Variants in LSM14A observed in about 807,000 individuals in gnomAD.
LSM14A encodes the protein LSM14A mRNA processing body assembly factor, also known as protein LSM14 homolog A.
Under a neutral mutation model 52.4 loss-of-function variants are expected in LSM14A, and 14 were observed. The ratio of observed to expected loss-of-function variants is 0.27; its 90% confidence interval spans 0.18 to 0.42. The LOEUF is 0.42. Ranked by LOEUF, LSM14A falls within the 10% of genes least tolerant of loss-of-function variation. The pLI is 1.00. For missense variants in LSM14A, 417 were observed against 581.8 expected, an observed-to-expected ratio of 0.72 and a Z score of 2.91; for synonymous variants, 185 against 200.3, an observed-to-expected ratio of 0.92 and a Z score of 0.64.
chr19:34,181,312 T>C (rs1235438712), intron 1 of LSM14A, among the ~76,000 whole-genome samples: 1 of 152,146 alleles, frequency 6.6e-6, no homozygotes, highest in Non-Finnish European at 1.5e-5. Context: ...TTGAACTGAA[T>C]TTCCTCTTTT....
At chr19:34,217,618 T>C (rs12974084) in intron 6 of LSM14A, among the ~76,000 whole-genome samples, 21 of 8,932 alleles carry the variant, frequency 2.4e-3, no homozygotes, top group African/African-American at 7.9e-3. Context: ...CCCCCCCCCG[T>C]GTTTTTTTTT....
intron 4 of LSM14A, among the ~76,000 whole-genome samples, chr19:34,213,108 G>A (rs964963186): frequency 9.3e-5 from 14 of 151,030 alleles, no homozygotes; most frequent in East Asian, 1.9e-4. Context: ...CTGTGATTGC[G>A]CCACTGCACT....
chr19:34,190,180 A>G (rs2070255674), intron 1 of LSM14A, among the ~76,000 whole-genome samples: 1 of 152,078 alleles, frequency 6.6e-6, no homozygotes, highest in Non-Finnish European at 1.5e-5. Flanking sequence ...TTGTTCTGTA[A>G]CAGTATCTTC....
chr19:34,201,083 A>G (rs1179228372), intron 3 of LSM14A, among the ~76,000 whole-genome samples: 1 of 152,174 alleles, frequency 6.6e-6, no homozygotes, highest in Non-Finnish European at 1.5e-5. Context: ...TAAATATTTT[A>G]ATCTAATTTT....
chr19:34,205,487 C>CAAA (rs140536208), intron 3 of LSM14A, among the ~76,000 whole-genome samples: 150 of 95,126 alleles, frequency 1.6e-3, no homozygotes, highest in East Asian at 3.4e-3. Context: ...CTCCATCTCA[C>CAAA]AAAAAAAAAA....
chr19:34,188,703 CTG>C (rs2070123160), intron 1 of LSM14A, among the ~76,000 whole-genome samples: 1 of 152,148 alleles, frequency 6.6e-6, no homozygotes, highest in African/African-American at 2.4e-5. Context: ...GAATCATACA[CTG>C]TGTGACGTTT....
chr19:34,224,312 CAG>C (rs1253150344), intron 9 of LSM14A, among the ~76,000 whole-genome samples: 2 of 152,178 alleles, frequency 1.3e-5, no homozygotes, highest in East Asian at 1.9e-4. Context: ...GCCTGGGCGA[CAG>C]AGCAAGACTC....
intron 3 of LSM14A, among the ~76,000 whole-genome samples, chr19:34,207,882 G>A (rs1163362592): frequency 6.6e-6 from 1 of 152,120 alleles, no homozygotes; most frequent in Non-Finnish European, 1.5e-5. Flanking sequence ...TAAATTAGGA[G>A]TCCAAGAAAG....
chr19:34,185,924 A>G lies in LSM14A; in HGVS notation c.122-8554A>G, dbSNP rs370297752. 6.6e-5 allele frequency among the ~76,000 whole-genome samples: 10 copies of G among 152,326 alleles called. No homozygotes were observed. The South Asian group carries it at 1.7e-3, about 25-fold the overall frequency. ...TTTGTTTTTCCCACTTTCCCATTCT[A>G]TCAACATCAGTTGTTATTTACTCTA... On this transcript the variant is annotated intron_variant, in intron 1 of 9. Coordinates refer to ENST00000544216, the MANE Select transcript of LSM14A (RefSeq NM_015578.4).
chr19:34,200,794 T>C (rs596594), intron 3 of LSM14A, among the ~76,000 whole-genome samples: 51,845 of 152,028 alleles, frequency 0.34, 9,249 homozygotes, highest in Non-Finnish European at 0.37. Flanking sequence ...AGATATACTG[T>C]ATGTTAACTG....
intron 1 of LSM14A, among the ~76,000 whole-genome samples, chr19:34,191,183 A>G (rs1475837318): frequency 1.3e-5 from 2 of 151,894 alleles, no homozygotes; most frequent in African/African-American, 4.8e-5. Flanking sequence ...TGTTTTATTT[A>G]TCTTGTGTAA....
At chr19:34,205,408 C>G (rs1463178991) in intron 3 of LSM14A, among the ~76,000 whole-genome samples, 1 of 147,470 alleles carries the variant, frequency 6.8e-6, no homozygotes, top group African/African-American at 2.5e-5. Context: ...AACGCTTGAA[C>G]CCGGGAGGCG....
At chr19:34,212,366 T>C (rs1265758556) in intron 4 of LSM14A, among the ~76,000 whole-genome samples, 2 of 152,190 alleles carry the variant, frequency 1.3e-5, no homozygotes, top group African/African-American at 4.8e-5. Context: ...TTTAAATTAG[T>C]GGAGAGAAGG....
chr19:34,218,111 C>A (rs1415414312), intron 6 of LSM14A, among the ~76,000 whole-genome samples: 1 of 151,076 alleles, frequency 6.6e-6, no homozygotes, highest in Non-Finnish European at 1.5e-5. Context: ...TCAAGCCATT[C>A]TCCTGCCTCA....
At chr19:34,196,295 TACTA>T (rs1189859205) in intron 2 of LSM14A, among the ~76,000 whole-genome samples, 1 of 152,170 alleles carries the variant, frequency 6.6e-6, no homozygotes, top group Non-Finnish European at 1.5e-5. Context: ...AACTCATTAT[TACTA>T]AGTGTGATTT....
At chr19:34,183,548 C>CA (rs566818857) in intron 1 of LSM14A, among the ~76,000 whole-genome samples, 70 of 144,958 alleles carry the variant, frequency 4.8e-4, no homozygotes, top group South Asian at 1.5e-3. Context: ...GAGTTCGTCT[C>CA]AAAAAAAAAA....
intron 1 of LSM14A, among the ~76,000 whole-genome samples, chr19:34,192,614 GGCGCT>G: frequency 7.8e-6 from 1 of 128,292 alleles, no homozygotes; most frequent in East Asian, 2.4e-4. Context: ...GCAGGCATGA[GGCGCT>G]GCATCAGTTC....
chr19:34,226,328 C>G, intron 9 of LSM14A: 11 of 1,323,082 alleles, frequency 8.3e-6, no homozygotes, highest in Non-Finnish European at 1.0e-5. Context: ...CTCTCCTCTC[C>G]CCCTTTCATT....
chr19:34,190,197 C>T (rs1272438246), intron 1 of LSM14A, among the ~76,000 whole-genome samples: 1 of 152,116 alleles, frequency 6.6e-6, no homozygotes, highest in Non-Finnish European at 1.5e-5. Context: ...CTTCTAGCCA[C>T]GTGTGCCCTT....
Sources: gnomAD v4.1 joint callset for allele counts (sites outside exome capture counted in the v4.1 genomes callset) on GRCh38, gnomAD v4.1.1 for gene constraint, MANE v1.5 for transcripts, NCBI Gene and HGNC (gene_info 2026-07-23, HGNC 2026-07-21) for gene names.